Variants in CHORDC1 observed in about 807,000 individuals in gnomAD.
CHORDC1 encodes the protein cysteine and histidine rich domain containing 1, also known as cysteine and histidine-rich domain-containing protein 1.
In CHORDC1, 25 loss-of-function variants were observed where a neutral mutation model predicts 48.3. That is an observed-to-expected ratio of 0.52 (90% CI 0.38 to 0.72). The LOEUF (loss-of-function observed/expected upper bound fraction) is 0.72. Among genes scored for constraint, CHORDC1 ranks in the 30% least tolerant of loss-of-function variants. The pLI, the probability that CHORDC1 is intolerant of heterozygous loss-of-function variation, is 0.00. For missense variants in CHORDC1, 317 were observed against 388.7 expected (o/e 0.82, Z 1.55); for synonymous variants, 128 against 126.4 (o/e 1.01, Z -0.09).
At chr11:90,212,106 C>T (rs1170548057) in intron 4 of CHORDC1, 4 of 152,078 alleles carry the variant, frequency 2.6e-5, no homozygotes, top group East Asian at 1.9e-4. Context: ...ACCCTGTCTC[C>T]GCAAAATAAT....
chr11:90,217,196 A>G (rs1858034394), intron 2 of CHORDC1, among the ~76,000 whole-genome samples: 1 of 152,214 alleles, frequency 6.6e-6, no homozygotes, highest in African/African-American at 2.4e-5. Context: ...TGAAGTGCCA[A>G]AACAGTCTAA....
chr11:90,207,210 C>A (rs1041310485), intron 6 of CHORDC1: 1 of 161,716 alleles, frequency 6.2e-6, no homozygotes, highest in Non-Finnish European at 1.4e-5. Flanking sequence ...TCCTCATAAG[C>A]TAGCAGATTT....
chr11:90,220,454 G>A (rs534866879), intron 1 of CHORDC1, among the ~76,000 whole-genome samples: 27 of 152,250 alleles, frequency 1.8e-4, no homozygotes, highest in Admixed American at 1.6e-3. Flanking sequence ...AAGTTGAGAG[G>A]GGAATGGAAG....
chr11:90,202,788 A>T, intron 10 of CHORDC1, 25 bp downstream of exon 10: 2 of 1,570,040 alleles, frequency 1.3e-6, no homozygotes, highest in Non-Finnish European at 1.7e-6. Flanking sequence ...CAGAAAAAAA[A>T]TTCTTATAAA....
chr11:90,212,407 C>T (rs1325842591), intron 4 of CHORDC1: 1 of 152,176 alleles, frequency 6.6e-6, no homozygotes, highest in Non-Finnish European at 1.5e-5. Context: ...GTTCATTAAA[C>T]CTCTTTTTCT....
chr11:90,210,879 G>A (rs1484227786), intron 5 of CHORDC1: 1 of 357,360 alleles, frequency 2.8e-6, no homozygotes, highest in East Asian at 5.3e-5. Context: ...CATGGTACCA[G>A]GTATAAAGTC....
intron 3 of CHORDC1, among the ~76,000 whole-genome samples, chr11:90,214,685 A>G (rs911521421): frequency 6.6e-6 from 1 of 152,090 alleles, no homozygotes; most frequent in Non-Finnish European, 1.5e-5. Flanking sequence ...ATAACATTCA[A>G]CAAACGTTAG....
At chr11:90,203,824 A>T (rs10830440) in intron 8 of CHORDC1, among the ~76,000 whole-genome samples, 1 of 151,936 alleles carries the variant, frequency 6.6e-6, no homozygotes, top group African/African-American at 2.4e-5. Context: ...GATAAATCAG[A>T]CAACACCTTA....
chr11:90,216,304 C>T (rs1001594913), intron 2 of CHORDC1, among the ~76,000 whole-genome samples: 4 of 152,096 alleles, frequency 2.6e-5, no homozygotes, highest in African/African-American at 9.7e-5. Context: ...GGATTCTATG[C>T]TAGTCTTCAG....
intron 1 of CHORDC1, among the ~76,000 whole-genome samples, chr11:90,222,120 A>G (rs1412539951): frequency 5.3e-5 from 8 of 152,178 alleles, no homozygotes; most frequent in Admixed American, 5.2e-4. Flanking sequence ...TCAAAATTTC[A>G]ATTCACTGAT....
chr11:90,213,327 T>C (rs1857919406), intron 4 of CHORDC1: 2 of 625,942 alleles, frequency 3.2e-6, no homozygotes, highest in Admixed American at 2.8e-5. Context: ...AAGTGCCTAC[T>C]TGCAGCCAAA....
intron 5 of CHORDC1, chr11:90,210,967 AAAAT>A: frequency 3.2e-6 from 1 of 308,628 alleles, no homozygotes; most frequent in Non-Finnish European, 5.8e-6. Flanking sequence ...GATTCTTAAA[AAAAT>A]AATGAACCAT....
chr11:90,216,565 G>A (rs930075545), intron 2 of CHORDC1: 7 of 438,938 alleles, frequency 1.6e-5, no homozygotes, highest in Admixed American at 2.6e-5. Flanking sequence ...TTTAAGAAAT[G>A]GTTATAAAAT....
In CHORDC1 at chr11:90,203,816, T is replaced by C. The variant is rs1857601551; in HGVS notation, c.670-389A>G. Among the ~76,000 whole-genome samples the C allele has an allele frequency of 2.0e-5, 3 of 152,296 alleles. No homozygotes were observed. The South Asian group carries it at 6.2e-4, about 32-fold the overall frequency. The stretch of plus-strand genomic sequence containing the variant: ...AATGAAAGACATTTGTTTACTGGGA[T>C]AAATCAGACAACACCTTAACCTCAT... On this transcript the variant is annotated intron_variant, in intron 8 of 10. Coordinates refer to ENST00000320585, the MANE Select transcript of CHORDC1 (RefSeq NM_012124.3).
intron 4 of CHORDC1, chr11:90,212,641 A>C (rs1857903465): frequency 6.6e-6 from 1 of 152,116 alleles, no homozygotes; most frequent in Non-Finnish European, 1.5e-5. Context: ...TGATATCCTC[A>C]TAATTGTTAT....
intron 2 of CHORDC1, chr11:90,216,604 A>G (rs570826304): frequency 9.7e-6 from 4 of 414,326 alleles, no homozygotes; most frequent in South Asian, 7.0e-5. Flanking sequence ...TACAACTGCA[A>G]AAGAGAGAGA....
chr11:90,214,207 T>C (rs1336456369), intron 3 of CHORDC1, 32 bp from the exon 4 acceptor site: 5 of 1,478,334 alleles, frequency 3.4e-6, no homozygotes, highest in South Asian at 1.4e-5. Context: ...TTAAGAGCTA[T>C]CTATTTTACA....
At chr11:90,213,634 G>T (rs1857928352) in intron 4 of CHORDC1, 1 of 459,360 alleles carries the variant, frequency 2.2e-6, no homozygotes, top group Non-Finnish European at 3.9e-6. Context: ...AAGTAAAGAT[G>T]GATGATTAGG....
chr11:90,214,118 C>T lies in CHORDC1; in HGVS notation c.229G>A (p.Val77Ile). Residue 77 changes from valine to isoleucine, a missense_variant, in exon 4 of 11, where the codon GTC becomes ATC. Val to Ile is a conservative substitution (Grantham distance 29). Coordinates refer to ENST00000320585, the MANE Select transcript of CHORDC1 (RefSeq NM_012124.3). ...EKPPEPVKPEVKTTEKKELCE... is the reference protein window; with the variant it reads ...EKPPEPVKPEIKTTEKKELCE... ...AGCTCCTTCTTCTCAGTAGTCTTGA[C>T]TTCAGGTTTGACTGGCTCAGGTGGC... 1 of 1,613,566 alleles carries T rather than the reference C, an allele frequency of 6.2e-7. No homozygotes were observed. The highest frequency in any genetic ancestry group is 8.5e-7 in the Non-Finnish European group (1 of 1,179,600).
Sources: gnomAD v4.1 joint callset for allele counts (sites outside exome capture counted in the v4.1 genomes callset) on GRCh38, gnomAD v4.1.1 for gene constraint, MANE v1.5 for transcripts, NCBI Gene and HGNC (gene_info 2026-07-23, HGNC 2026-07-21) for gene names.